The following PTPRN2 variants were observed in gnomAD, a reference collection of about 807,000 sequenced individuals.
PTPRN2 encodes the protein protein tyrosine phosphatase receptor type N2.
In PTPRN2, 74 loss-of-function variants were observed where a neutral mutation model predicts 118.8. The ratio of observed to expected loss-of-function variants is 0.62; its 90% CI spans 0.52 to 0.76. PTPRN2 has a LOEUF of 0.76. Among genes scored for constraint, PTPRN2 ranks in the 30% least tolerant of loss-of-function variants. The pLI is 0.00. For synonymous variants in PTPRN2, 641 were observed against 608.0 expected (o/e 1.05, Z -0.80); for missense variants, 1,481 against 1,394.4 (o/e 1.06, Z -0.99).
intron 14 of PTPRN2, among the ~76,000 whole-genome samples, chr7:157,623,378 C>T (rs924630824): frequency 6.6e-6 from 1 of 152,122 alleles, no homozygotes; most frequent in African/African-American, 2.4e-5. Flanking sequence ...GAAAATGGTT[C>T]CTGGCAAAAT....
intron 3 of PTPRN2, among the ~76,000 whole-genome samples, chr7:158,252,931 C>T (rs1796779071): frequency 6.6e-6 from 1 of 152,084 alleles, no homozygotes; most frequent in African/African-American, 2.4e-5. Context: ...CCTTAATCTT[C>T]CCTCACCCTT....
rs888713567 is a variant in PTPRN2, at chr7:157,838,941, A to C, written c.1788+59732T>G. Reference sequence around the variant, plus strand: ...ATGGCACGGGAGAAAGCTCCTCTCCACTGTGGCTACTCCAGTTCCTCTCGT... The same window carrying C: ...ATGGCACGGGAGAAAGCTCCTCTCCCCTGTGGCTACTCCAGTTCCTCTCGT... On this transcript the variant is annotated intron_variant, in intron 12 of 22. Coordinates refer to ENST00000389418, the MANE Select transcript of PTPRN2 (RefSeq NM_002847.5). Among the ~76,000 whole-genome samples, 2 of 125,022 alleles carry C rather than the reference A, an allele frequency of 1.6e-5. 1 individual carries two copies. Among genetic ancestry groups the C allele is most frequent in the Non-Finnish European group, 3.2e-5 (2 of 62,914 alleles). 82.0% of individuals were successfully genotyped at this position (125,022 alleles called of 152,430 possible). A position where few individuals can be genotyped will look rare whatever the true frequency, so the allele number is the denominator to read the frequency against.
chr7:157,694,334 C>G (rs1318350145), intron 12 of PTPRN2, among the ~76,000 whole-genome samples: 1 of 152,184 alleles, frequency 6.6e-6, no homozygotes, highest in Admixed American at 6.5e-5. Context: ...TCCTCGTCCA[C>G]GCCTTGGTGC....
Position 158,375,228 on chromosome 7 carries a change from T to C in PTPRN2, c.164-58296A>G, listed in dbSNP as rs113462950. Among the ~76,000 whole-genome samples the C allele has an allele frequency of 7.2e-3, 1,099 of 152,318 alleles. 11 individuals are homozygous for C. Among genetic ancestry groups the C allele is most frequent in the African/African-American group, 0.025 (1,046 of 41,576 alleles). On this transcript the variant is annotated intron_variant, in intron 2 of 22. Transcript: ENST00000389418. ...CACAGCTCCCAACTCACCAGAATTA[T>C]ACCAGGCAAGTGCCCACAGGGCATC...
chr7:158,563,153 T>TC lies in PTPRN2; in HGVS notation c.112+24404dup, dbSNP rs1380267241. Among the ~76,000 whole-genome samples the TC allele has an allele frequency of 2.7e-5, 4 of 150,878 alleles. No homozygotes were observed. The East Asian group carries it at 7.8e-4, about 29-fold the overall frequency. ...GTGCAGTGCCACCGAAGAAGAGAGG[T>TC]CCTACCTGAAACCTCACAGGGAAAT... On this transcript the variant is annotated intron_variant, in intron 1 of 22. Coordinates refer to ENST00000389418, the MANE Select transcript of PTPRN2 (RefSeq NM_002847.5). The surrounding 1 kb of genome is among the most constrained non-coding windows in gnomAD (Gnocchi z 5.1).
intron 12 of PTPRN2, among the ~76,000 whole-genome samples, chr7:157,880,645 T>C (rs1233957588): frequency 6.6e-6 from 1 of 152,234 alleles, no homozygotes; most frequent in Admixed American, 6.5e-5. Flanking sequence ...GACACATTTG[T>C]ACCATGTGGT....
In PTPRN2 at chr7:158,061,713, G is replaced by A. The variant is rs535145341; in HGVS notation, c.1723+19585C>T. Among the ~76,000 whole-genome samples the A allele has an allele frequency of 2.8e-4, 42 of 152,252 alleles. 1 individual carries two copies. Among genetic ancestry groups the A allele is most frequent in the Middle Eastern group, 3.4e-3 (1 of 294 alleles). ...TGCAATGGGGGTGTCCTTCATCACC[G>A]GTCCCCAGGACCACACCTGAAGGAC... On this transcript the variant is annotated intron_variant, in intron 11 of 22. Transcript: ENST00000389418.
intron 12 of PTPRN2, among the ~76,000 whole-genome samples, chr7:157,885,318 C>T (rs1037650914): frequency 6.6e-6 from 1 of 152,214 alleles, no homozygotes; most frequent in Admixed American, 6.5e-5. Context: ...CGTTCCTCCA[C>T]TCCACAGTGC....
chr7:157,540,683 G>A lies in PTPRN2; in HGVS notation c.*31C>T, dbSNP rs1192334278. The A allele has an allele frequency of 7.4e-6, 11 of 1,494,630 alleles. No homozygotes were observed. The highest frequency in any genetic ancestry group is 1.0e-5 in the Non-Finnish European group (11 of 1,096,360). The allele number at this position is 1,494,630 out of a possible 1,614,324, so 92.6% of individuals were successfully genotyped here. A position where few individuals can be genotyped will look rare whatever the true frequency, so the allele number is the denominator to read the frequency against. ...GATTCCTGACAACATCCGTGGGGTG[G>A]GGGCTCCCCTGAGGCCCCTGAGGCT... is the stretch of plus-strand genomic sequence containing the variant. On this transcript the variant is annotated 3_prime_UTR_variant, in exon 23 of 23. Transcript: ENST00000389418.
intron 11 of PTPRN2, among the ~76,000 whole-genome samples, chr7:157,984,675 C>T (rs1351935479): frequency 6.6e-6 from 1 of 152,116 alleles, no homozygotes; most frequent in African/African-American, 2.4e-5. Context: ...GCTCAGCAGC[C>T]ACGAGCTGAC....
rs542237837 is a variant in PTPRN2 at position 157,619,219 on chromosome 7, G to A, written c.2344+2143C>T. On this transcript the variant is annotated intron_variant, in intron 15 of 22. Transcript: ENST00000389418. The surrounding 1 kb of genome is among the most constrained non-coding windows in gnomAD (Gnocchi z 5.3). ...GGCAGGTCGTTTCTGCCACGCTCCG[G>A]GCTGTCTTTGGGGAGGGCGTGCTGT... is the stretch of plus-strand genomic sequence containing the variant. 1.3e-5 allele frequency among the ~76,000 whole-genome samples: 2 copies of A among 152,132 alleles called. No homozygotes were observed. The highest frequency in any genetic ancestry group is 2.9e-5 in the Non-Finnish European group (2 of 68,028).
rs1670351 is a variant in PTPRN2 at position 158,472,306 on chromosome 7, G to C, written c.163+17429C>G. On this transcript the variant is annotated intron_variant, in intron 2 of 22. Transcript: ENST00000389418. ...GGAAGGATGGGAAGACGCCCGATCAGTGTGGTTCCAGATCAGATTCTGCCT... is the reference window on the plus strand; with the variant it reads ...GGAAGGATGGGAAGACGCCCGATCACTGTGGTTCCAGATCAGATTCTGCCT... 9.1e-3 allele frequency among the ~76,000 whole-genome samples: 1,379 copies of C among 152,122 alleles called. 18 individuals are homozygous for C. Among genetic ancestry groups the C allele is most frequent in the African/African-American group, 0.031 (1,302 of 41,478 alleles).
At chr7:157,580,862 C>G (rs374982589) in intron 17 of PTPRN2, among the ~76,000 whole-genome samples, 19 of 101,854 alleles carry the variant, frequency 1.9e-4, no homozygotes, top group Admixed American at 4.7e-4. Context: ...CTGCACACCC[C>G]AGCCCCTGCA....
intron 3 of PTPRN2, among the ~76,000 whole-genome samples, chr7:158,298,602 G>A (rs750970729): frequency 2.6e-5 from 4 of 152,170 alleles, no homozygotes; most frequent in Non-Finnish European, 4.4e-5. Context: ...AAGAGCTTGC[G>A]GGGGAGGCCA....
At chr7:158,131,326 C>T (rs1416771347) in intron 9 of PTPRN2, among the ~76,000 whole-genome samples, 3 of 81,590 alleles carry the variant, frequency 3.7e-5, no homozygotes, top group Non-Finnish European at 6.6e-5. Flanking sequence ...CCCACATACA[C>T]ACTCATACAC....
At chr7:158,326,836 C>CACAT (rs1803601676) in intron 2 of PTPRN2, among the ~76,000 whole-genome samples, 1 of 10,534 alleles carries the variant, frequency 9.5e-5, no homozygotes, top group Non-Finnish European at 2.0e-4. Flanking sequence ...CACATGCTCT[C>CACAT]ACATGCATTC....
At chr7:158,450,710 C>T (rs1440913192) in intron 2 of PTPRN2, among the ~76,000 whole-genome samples, 1 of 152,232 alleles carries the variant, frequency 6.6e-6, no homozygotes, top group East Asian at 1.9e-4. Flanking sequence ...TTCCACTGTT[C>T]CATTGTATGA....
chr7:158,355,115 G>A (rs867359882), intron 2 of PTPRN2, among the ~76,000 whole-genome samples: 4 of 151,838 alleles, frequency 2.6e-5, no homozygotes, highest in Non-Finnish European at 5.9e-5. Context: ...TTTCCCAGAC[G>A]AACAAAAGCT....
chr7:157,797,847 G>A (rs1804967990), intron 12 of PTPRN2, among the ~76,000 whole-genome samples: 1 of 152,214 alleles, frequency 6.6e-6, no homozygotes, highest in Non-Finnish European at 1.5e-5. Context: ...TGAATTCTGA[G>A]CCCATTCCTG....
Sources: gnomAD v4.1 joint callset for allele counts (sites outside exome capture counted in the v4.1 genomes callset) on GRCh38, gnomAD v4.1.1 for gene constraint, Gnocchi (gnomAD v3.1) non-coding constraint, MANE v1.5 for transcripts, NCBI Gene and HGNC (gene_info 2026-07-23, HGNC 2026-07-21) for gene names.